The following SPTAN1 variants were observed in gnomAD, a reference collection of about 807,000 sequenced individuals.
The protein encoded by SPTAN1 is spectrin alpha, non-erythrocytic 1.
SPTAN1 carries 61 observed loss-of-function variants against 331.3 expected under a neutral mutation model. That is an observed-to-expected ratio of 0.18 (90% CI 0.15 to 0.23). SPTAN1 has a LOEUF of 0.23. Among genes scored for constraint, SPTAN1 ranks in the 10% least tolerant of loss-of-function variants. The probability of loss-of-function intolerance (pLI) is 1.00; values close to 1 mark genes in which losing one functional copy is unlikely to be tolerated. For synonymous variants in SPTAN1, 1,153 were observed against 1,173.9 expected, an observed-to-expected ratio of 0.98 and a Z score of 0.36; for missense variants, 2,043 against 3,147.9, an observed-to-expected ratio of 0.65 and a Z score of 8.40.
intron 27 of SPTAN1, chr9:128,601,459 G>A (rs750155023): frequency 1.3e-5 from 2 of 152,054 alleles, no homozygotes; most frequent in East Asian, 1.9e-4. Flanking sequence ...AGGTGTTGTG[G>A]CTCACACCTG....
At chr9:128,618,514 C>T (rs1857457983) in intron 43 of SPTAN1, among the ~76,000 whole-genome samples, 1 of 151,908 alleles carries the variant, frequency 6.6e-6, no homozygotes, top group Non-Finnish European at 1.5e-5. Flanking sequence ...GAGACGGGGT[C>T]TTGCTGTCAC....
intron 1 of SPTAN1, chr9:128,553,122 A>G (rs955930620): frequency 6.6e-6 from 1 of 152,142 alleles, no homozygotes; most frequent in East Asian, 1.9e-4. Context: ...CTCGGCCGGG[A>G]GCGACTTCTG....
In SPTAN1 at chr9:128,618,910, T is replaced by G. The variant is rs767275278; in HGVS notation, c.5640T>G (p.Phe1880Leu). ...RLEESLEYQQ[F>L]VANVEEEEAW... is the part of the protein sequence containing the mutation. ...AAGAGTCCTTGGAATATCAGCAGTT[T>G]GTAGCCAATGTGGAAGAGGAAGAAG... is the stretch of plus-strand genomic sequence containing the variant. Residue 1880 changes from phenylalanine to leucine, a missense_variant, in exon 44 of 57, where the codon TTT (phenylalanine) becomes TTG (leucine). Physicochemically the swap from Phe to Leu is conservative, Grantham distance 22. This residue lies in a region of SPTAN1 where 323 missense variants were observed against 581.1 expected (regional missense o/e 0.56). Transcript: ENST00000372739. 1.2e-6 allele frequency: 2 copies of G among 1,614,160 alleles called. No individual in the cohort carries two copies. Among genetic ancestry groups the G allele is most frequent in the South Asian group, 2.2e-5 (2 of 91,082 alleles).
chr9:128,565,001 C>T (rs986520730), intron 1 of SPTAN1, among the ~76,000 whole-genome samples: 1 of 152,154 alleles, frequency 6.6e-6, no homozygotes, highest in Non-Finnish European at 1.5e-5. Flanking sequence ...TGGGTTCTTT[C>T]TTCTGTCTGA....
intron 21 of SPTAN1, 60 bp downstream of exon 21, chr9:128,589,003 T>C (rs1037890666): frequency 1.9e-6 from 3 of 1,601,026 alleles, no homozygotes; most frequent in East Asian, 2.2e-5. Flanking sequence ...GTATGCTCAG[T>C]TGGGTTTCTG....
intron 22 of SPTAN1, 114 bp downstream of exon 22, chr9:128,591,739 C>T: frequency 7.5e-7 from 1 of 1,329,050 alleles, no homozygotes; most frequent in Non-Finnish European, 1.0e-6. Flanking sequence ...TGCACGCCTC[C>T]TGCTGTCTCC....
intron 3 of SPTAN1, among the ~76,000 whole-genome samples, chr9:128,572,357 C>T (rs760571561): frequency 1.3e-5 from 2 of 152,200 alleles, no homozygotes; most frequent in African/African-American, 2.4e-5. Flanking sequence ...TGCCCACTCA[C>T]GCTCTCAAAT....
chr9:128,611,184 T>C (rs1037060066), intron 37 of SPTAN1, among the ~76,000 whole-genome samples: 1 of 152,234 alleles, frequency 6.6e-6, no homozygotes, highest in Admixed American at 6.5e-5. Context: ...AGAATTGATT[T>C]TTTGGCCAGG....
In SPTAN1 at chr9:128,577,028, C is replaced by T. The variant is rs1266060306; in HGVS notation, c.785+72C>T. The T allele has an allele frequency of 1.9e-6, 3 of 1,613,764 alleles. No individual in the cohort carries two copies. Among genetic ancestry groups the T allele is most frequent in the Non-Finnish European group, 2.5e-6 (3 of 1,179,970 alleles). On this transcript the variant is annotated intron_variant, in intron 6 of 56. Coordinates refer to ENST00000372739, the MANE Select transcript of SPTAN1 (RefSeq NM_001130438.3). The surrounding 1 kb of genome is among the most constrained non-coding windows in gnomAD (Gnocchi z 4.2). ...GGAGTTGTGAAGCACAGGGCATGTG[C>T]TGGTGAGCTGTCGAGGCTGACTAGG...
chr9:128,598,527 G>A, intron 25 of SPTAN1, 23 bp downstream of exon 25: 2 of 1,545,632 alleles, frequency 1.3e-6, no homozygotes, highest in African/African-American at 2.7e-5. Flanking sequence ...ATCTTGGAGT[G>A]AGGCTCTGTT....
At chr9:128,615,061 G>A (rs1262234391) in intron 40 of SPTAN1, among the ~76,000 whole-genome samples, 3 of 152,184 alleles carry the variant, frequency 2.0e-5, no homozygotes, top group African/African-American at 4.8e-5. Context: ...CAGGCTCCTG[G>A]TGGTGGGTGT....
intron 49 of SPTAN1, 89 bp downstream of exon 49, chr9:128,626,776 C>A: frequency 7.4e-6 from 9 of 1,214,920 alleles, no homozygotes; most frequent in Non-Finnish European, 9.8e-6. Flanking sequence ...TGAGTCACGA[C>A]AAGACGAGCA....
At chr9:128,561,250 G>A (rs1323707238) in intron 1 of SPTAN1, among the ~76,000 whole-genome samples, 1 of 151,642 alleles carries the variant, frequency 6.6e-6, no homozygotes, top group African/African-American at 2.4e-5. Flanking sequence ...GTTTGTGATT[G>A]TAGTCCCAGC....
chr9:128,584,781 T>C lies in SPTAN1; in HGVS notation c.2498T>C (p.Ile833Thr), dbSNP rs904041405. 8.1e-6 allele frequency: 13 copies of C among 1,614,020 alleles called. No individual in the cohort carries two copies. The highest frequency in any genetic ancestry group is 1.1e-5 in the Non-Finnish European group (13 of 1,180,034). The change falls in exon 18 of 57, where the codon ATT becomes ACT. Residue 833 changes from isoleucine (I) to threonine (T), a missense_variant. Transcript: ENST00000372739. Reference protein sequence around the residue: ...LKKHQALQAEIAGHEPRIKAV... With the variant: ...LKKHQALQAETAGHEPRIKAV... ...AAACATCAAGCCTTACAAGCAGAAATTGCTGGACATGAACCACGCATCAAA... is the reference window on the plus strand; with the variant it reads ...AAACATCAAGCCTTACAAGCAGAAACTGCTGGACATGAACCACGCATCAAA...
chr9:128,599,296 A>AGC, intron 26 of SPTAN1: 1 of 393,010 alleles, frequency 2.5e-6, no homozygotes, highest in South Asian at 2.2e-5. Flanking sequence ...CACCACACCC[A>AGC]GCTAATTTTT....
In SPTAN1 at chr9:128,577,588, C is replaced by T. The variant is rs556348899; in HGVS notation, c.1085+82C>T. On this transcript the variant is annotated intron_variant, in intron 8 of 56. Coordinates refer to ENST00000372739, the MANE Select transcript of SPTAN1 (RefSeq NM_001130438.3). The surrounding 1 kb of genome is among the most constrained non-coding windows in gnomAD (Gnocchi z 4.2). ...GGAATAGCAGAGTTAAGGGTCTGTT[C>T]TGTGTTCTGTGAAAGTGTCAGGTAT... is the stretch of plus-strand genomic sequence containing the variant. 6.3e-7 allele frequency: 1 copy of T among 1,577,932 alleles called. No individual in the cohort carries two copies. The highest frequency in any genetic ancestry group is 8.7e-7 in the Non-Finnish European group (1 of 1,152,776).
intron 45 of SPTAN1, among the ~76,000 whole-genome samples, chr9:128,623,360 A>G (rs1858200354): frequency 6.6e-6 from 1 of 151,774 alleles, no homozygotes; most frequent in Admixed American, 6.6e-5. Context: ...CACTGCACCC[A>G]GCCCTGTATG....
Position 128,566,767 on chromosome 9 carries a change from G to A in SPTAN1, c.27G>A (p.Leu9=), listed in dbSNP as rs202115736. The A allele has an allele frequency of 1.9e-6, 3 of 1,614,180 alleles. No homozygotes were observed. The highest frequency in any genetic ancestry group is 2.5e-6 in the Non-Finnish European group (3 of 1,180,036). The change falls in exon 2 of 57, where the codon CTG becomes CTA. Residue 9 remains leucine, a synonymous_variant. Coordinates refer to ENST00000372739, the MANE Select transcript of SPTAN1 (RefSeq NM_001130438.3). The part of the protein sequence containing the change: MDPSGVKV[L]ETAEDIQERR... Reference sequence around the variant, plus strand: ...TGGACCCAAGTGGGGTCAAAGTGCTGGAAACAGCAGAGGACATCCAGGAGA... The same window carrying A: ...TGGACCCAAGTGGGGTCAAAGTGCTAGAAACAGCAGAGGACATCCAGGAGA...
At chr9:128,631,297 A>C (rs1404911970) in intron 52 of SPTAN1, 2 of 152,200 alleles carry the variant, frequency 1.3e-5, no homozygotes, top group Non-Finnish European at 2.9e-5. Context: ...ATCTCTACTA[A>C]AAATACAAAA....
Sources: gnomAD v4.1 joint callset for allele counts (sites outside exome capture counted in the v4.1 genomes callset) on GRCh38, gnomAD v4.1.1 for gene constraint, gnomAD v4.1.1 regional missense constraint, Gnocchi (gnomAD v3.1) non-coding constraint, MANE v1.5 for transcripts, NCBI Gene and HGNC (gene_info 2026-07-23, HGNC 2026-07-21) for gene names.